ENTREP2: variants seen among roughly 807,000 people sequenced by gnomAD.
The protein encoded by ENTREP2 is endosomal transmembrane epsin interactor 2.
the ENTREP2 span, among the ~76,000 whole-genome samples, chr15:29,160,936 G>A: frequency 2.3e-4 from 35 of 152,168 alleles, no homozygotes; most frequent in African/African-American, 5.8e-4. Context: ...AAACACAAGC[G>A]GAAGAAATAT....
At chr15:29,132,132 G>A in the ENTREP2 span, among the ~76,000 whole-genome samples, 5 of 152,188 alleles carry the variant, frequency 3.3e-5, no homozygotes, top group South Asian at 2.1e-4. Flanking sequence ...AACTGAGGCC[G>A]AGGGCACTTT....
chr15:29,560,627 G>A, the ENTREP2 span, among the ~76,000 whole-genome samples: 6 of 151,976 alleles, frequency 3.9e-5, no homozygotes, highest in East Asian at 2.0e-4. Flanking sequence ...TGTTTTGGGC[G>A]GCCCTGAGGA....
At chr15:29,195,804 C>T in the ENTREP2 span, among the ~76,000 whole-genome samples, 6 of 152,194 alleles carry the variant, frequency 3.9e-5, no homozygotes, top group African/African-American at 9.7e-5. Context: ...GGATTACAGG[C>T]GTGAGCCACT....
At chr15:29,383,153 C>G in the ENTREP2 span, among the ~76,000 whole-genome samples, 1 of 152,172 alleles carries the variant, frequency 6.6e-6, no homozygotes, top group African/African-American at 2.4e-5. Flanking sequence ...CCTGAGGCTC[C>G]TCGAGTACCA....
the ENTREP2 span, among the ~76,000 whole-genome samples, chr15:29,356,296 ATTTTTT>A: frequency 5.8e-5 from 2 of 34,388 alleles, no homozygotes; most frequent in South Asian, 1.9e-3. Context: ...ATATATATAT[ATTTTTT>A]TTTTTTTTTT....
the ENTREP2 span, among the ~76,000 whole-genome samples, chr15:29,214,672 G>C: frequency 7.1e-6 from 1 of 141,406 alleles, no homozygotes; most frequent in Non-Finnish European, 1.5e-5. Flanking sequence ...ATGTACCCTA[G>C]AACTTAAAGT....
the ENTREP2 span, chr15:29,137,144 G>A: frequency 0.034 from 50,658 of 1,480,174 alleles, 1,033 homozygotes; most frequent in Middle Eastern, 0.041. Flanking sequence ...GAACGGTGCC[G>A]TGAGGAGTCA....
the ENTREP2 span, among the ~76,000 whole-genome samples, chr15:29,199,413 A>C: frequency 6.6e-6 from 1 of 152,188 alleles, no homozygotes; most frequent in Non-Finnish European, 1.5e-5. Flanking sequence ...TAGCATGGTA[A>C]ATATATAGAC....
At chr15:29,333,718 T>A in the ENTREP2 span, among the ~76,000 whole-genome samples, 1 of 152,032 alleles carries the variant, frequency 6.6e-6, no homozygotes, top group Non-Finnish European at 1.5e-5. Flanking sequence ...AATCTGTCCT[T>A]CCCCCAAAAT....
At chr15:29,262,099 C>G in the ENTREP2 span, among the ~76,000 whole-genome samples, 3 of 132,538 alleles carry the variant, frequency 2.3e-5, no homozygotes, top group Non-Finnish European at 3.3e-5. Flanking sequence ...AAAAAAAGGG[C>G]GAAGGCAAAA....
the ENTREP2 span, among the ~76,000 whole-genome samples, chr15:29,164,836 G>T: frequency 2.0e-5 from 3 of 152,108 alleles, no homozygotes; most frequent in South Asian, 6.2e-4. Flanking sequence ...GGACTTAAAA[G>T]ATATATACAG....
chr15:29,612,309 C>A, the ENTREP2 span, among the ~76,000 whole-genome samples: 1 of 152,058 alleles, frequency 6.6e-6, no homozygotes. Flanking sequence ...TGAAGCTGGC[C>A]CCCAGGGAGA....
chr15:29,555,639 A>G, the ENTREP2 span, among the ~76,000 whole-genome samples: 1 of 152,150 alleles, frequency 6.6e-6, no homozygotes, highest in African/African-American at 2.4e-5. Flanking sequence ...GGCTATTTGC[A>G]TATTCCCAGA....
At chr15:29,200,020 C>T in the ENTREP2 span, among the ~76,000 whole-genome samples, 6 of 152,242 alleles carry the variant, frequency 3.9e-5, no homozygotes, top group South Asian at 2.1e-4. Flanking sequence ...AAAAATTAGT[C>T]GGGCATATTT....
chr15:29,614,752 G>A, the ENTREP2 span, among the ~76,000 whole-genome samples: 1 of 152,292 alleles, frequency 6.6e-6, no homozygotes, highest in African/African-American at 2.4e-5. Context: ...GGTAGAAGGT[G>A]GCAGGAAGAA....
the ENTREP2 span, among the ~76,000 whole-genome samples, chr15:29,150,523 C>T: frequency 6.6e-6 from 1 of 152,100 alleles, no homozygotes; most frequent in Non-Finnish European, 1.5e-5. Flanking sequence ...CTTAACCTTT[C>T]CTTTACAGAA....
the ENTREP2 span, among the ~76,000 whole-genome samples, chr15:29,369,227 A>G: frequency 6.6e-6 from 1 of 152,196 alleles, no homozygotes; most frequent in African/African-American, 2.4e-5. Flanking sequence ...CTACACATCC[A>G]AGCTGAATGA....
the ENTREP2 span, among the ~76,000 whole-genome samples, chr15:29,314,474 C>T: frequency 1.3e-5 from 2 of 152,176 alleles, no homozygotes; most frequent in African/African-American, 4.8e-5. Flanking sequence ...CAGATGACAA[C>T]TTGCTGAAGG....
chr15:29,214,016 G>A, the ENTREP2 span, among the ~76,000 whole-genome samples: 11 of 140,810 alleles, frequency 7.8e-5, no homozygotes, highest in East Asian at 5.1e-4. Context: ...TTAGAATGGC[G>A]ATCATTAAAA....
Sources: gnomAD v4.1 joint callset for allele counts (sites outside exome capture counted in the v4.1 genomes callset) on GRCh38, gnomAD v4.1.1 for gene constraint, MANE v1.5 for transcripts, NCBI Gene and HGNC (gene_info 2026-07-23, HGNC 2026-07-21) for gene names.